CCDC7: variants seen among roughly 807,000 people sequenced by gnomAD.
The protein encoded by CCDC7 is coiled-coil domain-containing protein 7.
A neutral mutation model predicts 196.9 loss-of-function variants in CCDC7; 183 were observed. That is an observed-to-expected ratio of 0.93 (90% CI 0.82 to 1.05). The LOEUF is 1.05. Among genes scored for constraint, CCDC7 ranks in the 50% least tolerant of loss-of-function variants. The pLI, the probability that CCDC7 is intolerant of heterozygous loss-of-function variation, is 0.00. For missense variants in CCDC7, 1,540 were observed against 1,482.2 expected (o/e 1.04, Z -0.64); for synonymous variants, 525 against 484.6 (o/e 1.08, Z -1.10).
chr10:32,700,081 G>T (rs1236117678), intron 24 of CCDC7, among the ~76,000 whole-genome samples: 1 of 149,370 alleles, frequency 6.7e-6, no homozygotes, highest in Non-Finnish European at 1.5e-5. Context: ...TGTCAATTTT[G>T]GCTTTTGTTG....
At chr10:32,452,133 T>G (rs1035428014) in intron 1 of CCDC7, among the ~76,000 whole-genome samples, 2 of 152,222 alleles carry the variant, frequency 1.3e-5, no homozygotes, top group Non-Finnish European at 2.9e-5. Context: ...CTTAATTTCT[T>G]TAGCAATGAA....
intron 9 of CCDC7, chr10:32,513,201 G>A (rs1207326599): frequency 1.3e-5 from 2 of 151,864 alleles, no homozygotes; most frequent in African/African-American, 2.4e-5. Context: ...TATGGTAAAT[G>A]GATAATAAGG....
chr10:32,598,037 G>A (rs1197383770), intron 18 of CCDC7, among the ~76,000 whole-genome samples: 3 of 152,216 alleles, frequency 2.0e-5, no homozygotes, highest in Non-Finnish European at 4.4e-5. Context: ...AAAGCTGTTG[G>A]ACAGGGACGT....
intron 13 of CCDC7, among the ~76,000 whole-genome samples, chr10:32,553,601 T>C (rs1418848951): frequency 6.6e-6 from 1 of 152,180 alleles, no homozygotes. Flanking sequence ...TTTTGTCCCA[T>C]GGGGTGTTCC....
At chr10:32,853,731 T>TAAAGAA in intron 40 of CCDC7, among the ~76,000 whole-genome samples, 1 of 152,234 alleles carries the variant, frequency 6.6e-6, no homozygotes, top group African/African-American at 2.4e-5. Context: ...TATAAACTTC[T>TAAAGAA]TTTTAAATAA....
At chr10:32,465,770 T>C (rs1021929521) in intron 5 of CCDC7, among the ~76,000 whole-genome samples, 9 of 152,188 alleles carry the variant, frequency 5.9e-5, no homozygotes, top group Admixed American at 5.9e-4. Context: ...AGGCTTTGTA[T>C]ATAATTACTT....
intron 28 of CCDC7, among the ~76,000 whole-genome samples, chr10:32,740,295 A>G (rs1480411350): frequency 6.6e-6 from 1 of 152,122 alleles, no homozygotes; most frequent in Non-Finnish European, 1.5e-5. Context: ...AAAGGTCTGA[A>G]TGTGATTTAA....
chr10:32,729,027 AT>A lies in CCDC7; in HGVS notation c.2779+32del, dbSNP rs2083523559. On this transcript the variant is annotated intron_variant, in intron 27 of 41. Coordinates refer to ENST00000639629, the Ensembl canonical transcript of CCDC7. ...GTATAATAATTATCGATAACTTTAA[AT>A]TATTTTATGTTGAACTCATCAGATC... is the stretch of plus-strand genomic sequence containing the variant. 3 of 1,413,070 alleles carry A rather than the reference AT, an allele frequency of 2.1e-6. No individual in the cohort carries two copies. In the African/African-American group the frequency reaches 4.3e-5, roughly 20 times the overall value. 87.5% of individuals were successfully genotyped at this position (1,413,070 alleles called of 1,614,324 possible). A position where few individuals can be genotyped will look rare whatever the true frequency, so the allele number is the denominator to read the frequency against.
At chr10:32,451,877 C>G in exon 1 of CCDC7, 2 of 1,612,274 alleles carry the variant, frequency 1.2e-6, no homozygotes, top group Non-Finnish European at 1.7e-6. Context: ...GAACTTACTA[C>G]CAGAAGATGA....
intron 28 of CCDC7, among the ~76,000 whole-genome samples, chr10:32,740,710 C>G (rs2133134579): frequency 6.6e-6 from 1 of 152,272 alleles, no homozygotes; most frequent in East Asian, 1.9e-4. Context: ...ACTGAAAAGA[C>G]TATCTGTTTT....
At chr10:32,479,656 CTG>C (rs1403777407) in intron 8 of CCDC7, among the ~76,000 whole-genome samples, 4 of 152,230 alleles carry the variant, frequency 2.6e-5, no homozygotes, top group Admixed American at 2.0e-4. Context: ...AGATATTGGA[CTG>C]TGTTTTCTTT....
chr10:32,700,771 A>G (rs938553499), intron 24 of CCDC7, among the ~76,000 whole-genome samples: 38 of 152,266 alleles, frequency 2.5e-4, no homozygotes, highest in African/African-American at 8.9e-4. Flanking sequence ...GGTCCTTCAC[A>G]TCCCTTGTAA....
intron 11 of CCDC7, among the ~76,000 whole-genome samples, chr10:32,542,982 G>GTT (rs2051753695): frequency 6.6e-6 from 1 of 152,064 alleles, no homozygotes; most frequent in Non-Finnish European, 1.5e-5. Context: ...CATCCTACAG[G>GTT]TTTTATTGCA....
At chr10:32,654,719 G>A (rs903870968) in intron 20 of CCDC7, among the ~76,000 whole-genome samples, 1 of 152,138 alleles carries the variant, frequency 6.6e-6, no homozygotes, top group East Asian at 1.9e-4. Context: ...CTCTGCCTTA[G>A]CCTTCATTTC....
rs569969203 is a variant in CCDC7 at position 32,677,164 on chromosome 10, A to G, written c.2123-8806A>G. ...CTCACTCATAGGTGGGAATTGAACA[A>G]TGAGAACACATGGACACAGGAAGGG... On this transcript the variant is annotated intron_variant, in intron 21 of 41. Transcript: ENST00000639629. 6.4e-5 allele frequency among the ~76,000 whole-genome samples: 9 copies of G among 140,870 alleles called. No individual in the cohort carries two copies. In the East Asian group the frequency reaches 1.9e-3, roughly 29 times the overall value. The allele number at this position is 140,870 out of a possible 152,430, so 92.4% of individuals were successfully genotyped here. A position where few individuals can be genotyped will look rare whatever the true frequency, so the allele number is the denominator to read the frequency against.
At chr10:32,798,241 C>T (rs978975128) in intron 29 of CCDC7, among the ~76,000 whole-genome samples, 8 of 152,160 alleles carry the variant, frequency 5.3e-5, no homozygotes, top group African/African-American at 9.7e-5. Flanking sequence ...CTGATCACCC[C>T]GAGGAATGGT....
At chr10:32,589,449 A>G (rs2137766210) in intron 18 of CCDC7, among the ~76,000 whole-genome samples, 1 of 152,242 alleles carries the variant, frequency 6.6e-6, no homozygotes, top group South Asian at 2.1e-4. Flanking sequence ...ATTATTTTGA[A>G]TGTTCTAAGA....
intron 28 of CCDC7, among the ~76,000 whole-genome samples, chr10:32,777,104 T>C (rs1307325103): frequency 6.6e-6 from 1 of 152,210 alleles, no homozygotes; most frequent in Non-Finnish European, 1.5e-5. Context: ...AGTGTTTATC[T>C]CCCACATATA....
chr10:32,803,958 T>C (rs1011231755), intron 29 of CCDC7, among the ~76,000 whole-genome samples: 3 of 152,178 alleles, frequency 2.0e-5, no homozygotes, highest in East Asian at 1.9e-4. Flanking sequence ...GGGTAAATTA[T>C]ATAGTATGAT....
Sources: gnomAD v4.1 joint callset for allele counts (sites outside exome capture counted in the v4.1 genomes callset) on GRCh38, gnomAD v4.1.1 for gene constraint, MANE v1.5 for transcripts, NCBI Gene and HGNC (gene_info 2026-07-23, HGNC 2026-07-21) for gene names.